Variants in CUL3 observed in about 807,000 individuals in gnomAD.
CUL3 encodes the protein cullin 3.
Under a neutral mutation model 89.1 loss-of-function variants are expected in CUL3, and 19 were observed. The observed-to-expected ratio is 0.21, with a 90% CI of 0.15 to 0.31. CUL3 has a LOEUF of 0.31. CUL3 is among the 10% of genes least tolerant of loss of function. The pLI is 1.00. For missense variants in CUL3, 469 were observed against 942.3 expected, an observed-to-expected ratio of 0.50 and a Z score of 6.58; for synonymous variants, 351 against 308.4, an observed-to-expected ratio of 1.14 and a Z score of -1.45.
intron 2 of CUL3, among the ~76,000 whole-genome samples, chr2:224,550,035 G>T (rs1326682060): frequency 1.3e-5 from 2 of 152,076 alleles, no homozygotes; most frequent in South Asian, 4.2e-4. Context: ...ATCTGAACAC[G>T]AAGTGTTTAA....
chr2:224,484,720 A>T (rs1184994147), intron 13 of CUL3, among the ~76,000 whole-genome samples: 2 of 152,188 alleles, frequency 1.3e-5, no homozygotes, highest in African/African-American at 4.8e-5. Context: ...TTTCACATTT[A>T]TCTGGAATTT....
At chr2:224,505,785 C>T (rs913092315) in intron 8 of CUL3, 171 bp downstream of exon 8, 3 of 375,750 alleles carry the variant, frequency 8.0e-6, no homozygotes, top group African/African-American at 2.1e-5. Flanking sequence ...TGTCTAACTA[C>T]GTTTGGGCAT....
intron 2 of CUL3, among the ~76,000 whole-genome samples, chr2:224,553,214 A>T (rs1207520558): frequency 2.6e-5 from 4 of 152,220 alleles, no homozygotes; most frequent in Admixed American, 1.3e-4. Flanking sequence ...TTGTTTTATA[A>T]AATAGGAGTA....
intron 2 of CUL3, among the ~76,000 whole-genome samples, chr2:224,538,073 C>T (rs561501921): frequency 2.5e-4 from 38 of 152,182 alleles, no homozygotes; most frequent in Non-Finnish European, 4.3e-4. Context: ...AAAAAATTAT[C>T]CTGACCAATA....
chr2:224,508,269 T>C (rs1234015870), intron 6 of CUL3, among the ~76,000 whole-genome samples: 1 of 152,210 alleles, frequency 6.6e-6, no homozygotes, highest in Non-Finnish European at 1.5e-5. Flanking sequence ...TTTATTTCAG[T>C]GACTTTCAGC....
intron 1 of CUL3, among the ~76,000 whole-genome samples, chr2:224,576,688 G>T (rs76309392): frequency 1.1e-4 from 1 of 8,972 alleles, no homozygotes; most frequent in Non-Finnish European, 1.8e-4. Context: ...TGAAAAAAAA[G>T]GGGGGGGGGG....
chr2:224,490,910 T>G (rs1691947288), intron 13 of CUL3, among the ~76,000 whole-genome samples: 1 of 152,196 alleles, frequency 6.6e-6, no homozygotes, highest in Non-Finnish European at 1.5e-5. Flanking sequence ...TTTACCCTGA[T>G]GTGATTATTA....
At chr2:224,500,601 A>T in intron 10 of CUL3, 114 bp from the exon 11 acceptor site, 1 of 890,298 alleles carries the variant, frequency 1.1e-6, no homozygotes, top group Non-Finnish European at 1.6e-6. Flanking sequence ...CTAATATCTA[A>T]TTTAAAAAAA....
intron 3 of CUL3, among the ~76,000 whole-genome samples, chr2:224,522,690 G>A (rs1346525365): frequency 5.9e-5 from 9 of 152,058 alleles, no homozygotes; most frequent in South Asian, 2.1e-4. Context: ...TTAGCCAGGC[G>A]TGGTGGCGGG....
rs370712597 is a variant in CUL3 at position 224,503,863 on chromosome 2, T to C, written c.1207-41A>G. The C allele has an allele frequency of 1.0e-3, 1,515 of 1,446,792 alleles. 6 individuals are homozygous for C. Among genetic ancestry groups the C allele is most frequent in the Middle Eastern group, 5.0e-3 (26 of 5,190 alleles). 89.6% of individuals were successfully genotyped at this position (1,446,792 alleles called of 1,614,324 possible). Reference sequence around the variant, plus strand: ...GATGTAACAATTATACAATTTTAGTTCTACAAAAGCAGTACTACGGTTCAT... The same window carrying C: ...GATGTAACAATTATACAATTTTAGTCCTACAAAAGCAGTACTACGGTTCAT... On this transcript the variant is annotated intron_variant, in intron 8 of 15. Transcript: ENST00000264414.
chr2:224,542,589 G>A (rs777304922), intron 2 of CUL3, among the ~76,000 whole-genome samples: 42 of 152,208 alleles, frequency 2.8e-4, no homozygotes, highest in Admixed American at 3.9e-4. Context: ...GCATGCGTGT[G>A]TAGGTAAGGG....
chr2:224,577,390 A>T (rs1313625343), intron 1 of CUL3, among the ~76,000 whole-genome samples: 1 of 152,086 alleles, frequency 6.6e-6, no homozygotes, highest in Non-Finnish European at 1.5e-5. Context: ...AACACGGTGA[A>T]ACCCCGTCTC....
intron 2 of CUL3, 131 bp from the exon 3 acceptor site, chr2:224,535,772 G>C (rs1004336876): frequency 1.5e-6 from 1 of 660,346 alleles, no homozygotes; most frequent in East Asian, 2.8e-5. Context: ...TTATAGGCTA[G>C]TAGAAATATT....
At chr2:224,583,561 G>C (rs1695493207) in intron 1 of CUL3, among the ~76,000 whole-genome samples, 1 of 152,072 alleles carries the variant, frequency 6.6e-6, no homozygotes, top group African/African-American at 2.4e-5. Flanking sequence ...CGTTTACTTA[G>C]AAAAAAGTTT....
chr2:224,480,311 GAC>G (rs1171197174), intron 14 of CUL3, among the ~76,000 whole-genome samples: 1 of 152,112 alleles, frequency 6.6e-6, no homozygotes, highest in East Asian at 1.9e-4. Flanking sequence ...CTGAGCCTTT[GAC>G]AGTAAAACCA....
intron 10 of CUL3, among the ~76,000 whole-genome samples, chr2:224,502,457 A>G (rs1424617098): frequency 6.6e-6 from 1 of 152,214 alleles, no homozygotes; most frequent in African/African-American, 2.4e-5. Context: ...ACACATTTAT[A>G]ATACATTAAT....
intron 3 of CUL3, among the ~76,000 whole-genome samples, chr2:224,531,776 G>C (rs1693704792): frequency 1.3e-5 from 2 of 152,144 alleles, no homozygotes; most frequent in Admixed American, 1.3e-4. Flanking sequence ...TTTCCAGACA[G>C]AAGATATGTA....
At chr2:224,535,688 T>C in intron 2 of CUL3, 47 bp from the exon 3 acceptor site, 1 of 1,098,292 alleles carries the variant, frequency 9.1e-7, no homozygotes, top group African/African-American at 1.5e-5. Flanking sequence ...ATCCACACAC[T>C]CGTATATACA....
intron 1 of CUL3, among the ~76,000 whole-genome samples, chr2:224,583,429 A>T (rs1231808859): frequency 6.6e-6 from 1 of 152,342 alleles, no homozygotes; most frequent in East Asian, 1.9e-4. Flanking sequence ...TCTAAACTCT[A>T]AAGTGGTCAG....
Sources: gnomAD v4.1 joint callset for allele counts (sites outside exome capture counted in the v4.1 genomes callset) on GRCh38, gnomAD v4.1.1 for gene constraint, MANE v1.5 for transcripts, NCBI Gene and HGNC (gene_info 2026-07-23, HGNC 2026-07-21) for gene names.